The following RAB38 variants were observed in gnomAD, a reference collection of about 807,000 sequenced individuals.
RAB38 encodes ras-related protein Rab-38.
In RAB38, 15 loss-of-function variants were observed where a neutral mutation model predicts 18.4. The observed-to-expected ratio is 0.82, with a 90% CI of 0.55 to 1.26. The LOEUF is 1.26. Ranked by LOEUF, RAB38 falls within the 50% of genes most tolerant of loss-of-function variation. RAB38 has a pLI of 0.00. For synonymous variants in RAB38, 101 were observed against 104.4 expected (o/e 0.97, Z 0.20); for missense variants, 294 against 267.4 (o/e 1.10, Z -0.69).
the RAB38 span, among the ~76,000 whole-genome samples, chr11:87,837,654 G>A: frequency 6.7e-6 from 1 of 150,262 alleles, no homozygotes; most frequent in Non-Finnish European, 1.5e-5. Context: ...AATGAGTCAA[G>A]CATCATTTTG....
At chr11:88,056,102 G>C in the RAB38 span, among the ~76,000 whole-genome samples, 1 of 152,012 alleles carries the variant, frequency 6.6e-6, no homozygotes, top group Non-Finnish European at 1.5e-5. Context: ...TCTGGATTAT[G>C]ACTCCCTGTA....
chr11:88,028,337 G>T, the RAB38 span, among the ~76,000 whole-genome samples: 1 of 152,166 alleles, frequency 6.6e-6, no homozygotes, highest in Non-Finnish European at 1.5e-5. Flanking sequence ...CTCCTCCAAA[G>T]GAATGCAGTT....
chr11:87,804,762 C>A, the RAB38 span, among the ~76,000 whole-genome samples: 1 of 152,094 alleles, frequency 6.6e-6, no homozygotes, highest in Non-Finnish European at 1.5e-5. Flanking sequence ...TGAATTATTT[C>A]TATATAATCC....
chr11:87,971,211 C>A, the RAB38 span, among the ~76,000 whole-genome samples: 1 of 152,042 alleles, frequency 6.6e-6, no homozygotes, highest in African/African-American at 2.4e-5. Flanking sequence ...GGCCTCAGAG[C>A]TGAGTTACAG....
the RAB38 span, among the ~76,000 whole-genome samples, chr11:87,929,963 A>G: frequency 6.6e-6 from 1 of 152,044 alleles, no homozygotes; most frequent in Non-Finnish European, 1.5e-5. Context: ...CCAGTCTATC[A>G]TTGTTGGACA....
the RAB38 span, among the ~76,000 whole-genome samples, chr11:87,957,536 C>A: frequency 1.3e-5 from 2 of 152,114 alleles, no homozygotes; most frequent in Non-Finnish European, 2.9e-5. Context: ...AAAGTAGAAT[C>A]TAATAGTAAT....
the RAB38 span, among the ~76,000 whole-genome samples, chr11:87,890,003 ATTAT>A: frequency 1.8e-3 from 276 of 151,928 alleles, 1 homozygote; most frequent in African/African-American, 6.0e-3. Flanking sequence ...TATTGTATGT[ATTAT>A]TTATTTAATA....
the RAB38 span, among the ~76,000 whole-genome samples, chr11:87,961,899 T>A: frequency 1.3e-5 from 2 of 152,166 alleles, no homozygotes; most frequent in Non-Finnish European, 1.5e-5. Context: ...TACTAAAATA[T>A]GTGCAAAATG....
At chr11:87,958,230 G>A in the RAB38 span, among the ~76,000 whole-genome samples, 1 of 152,200 alleles carries the variant, frequency 6.6e-6, no homozygotes, top group Non-Finnish European at 1.5e-5. Context: ...GTAGGCCAAT[G>A]TAAATGCTGT....
the RAB38 span, among the ~76,000 whole-genome samples, chr11:88,030,518 T>G: frequency 1.6e-4 from 24 of 151,990 alleles, no homozygotes; most frequent in Non-Finnish European, 7.4e-5. Flanking sequence ...AAGAATCAAA[T>G]AGACGCAATA....
the RAB38 span, among the ~76,000 whole-genome samples, chr11:87,951,811 G>T: frequency 2.6e-5 from 4 of 151,950 alleles, no homozygotes; most frequent in Non-Finnish European, 5.9e-5. Flanking sequence ...GCCCCTACTG[G>T]GGGGGTGCCT....
At chr11:87,940,131 C>A in the RAB38 span, among the ~76,000 whole-genome samples, 4 of 134,604 alleles carry the variant, frequency 3.0e-5, no homozygotes, top group South Asian at 2.4e-4. Context: ...AAAAATGTAA[C>A]AGGAAAGAAA....
chr11:88,174,213 T>G, intron 1 of RAB38: 1 of 514,430 alleles, frequency 1.9e-6, no homozygotes, highest in African/African-American at 2.1e-5. Flanking sequence ...AGCAGGTTAG[T>G]TAGTGGCAGG....
At chr11:88,110,997 AAGAC>A (rs1182689214), downstream of RAB38, among the ~76,000 whole-genome samples, 1 of 152,048 alleles carries the variant, frequency 6.6e-6, no homozygotes, top group Non-Finnish European at 1.5e-5. Context: ...AAAAGAAAAA[AAGAC>A]AGAGACAGTA....
chr11:88,159,727 G>T (rs1943166221), intron 1 of RAB38, among the ~76,000 whole-genome samples: 1 of 152,052 alleles, frequency 6.6e-6, no homozygotes, highest in Admixed American at 6.5e-5. Context: ...GAACAGTAGG[G>T]AAAGGACACC....
the RAB38 span, among the ~76,000 whole-genome samples, chr11:88,011,075 A>T: frequency 6.6e-6 from 1 of 152,180 alleles, no homozygotes; most frequent in Non-Finnish European, 1.5e-5. Flanking sequence ...GTAGTCTGAG[A>T]GGCTATTCCA....
At chr11:87,902,077 T>G in the RAB38 span, among the ~76,000 whole-genome samples, 2 of 151,464 alleles carry the variant, frequency 1.3e-5, no homozygotes, top group African/African-American at 4.8e-5. Flanking sequence ...GTCTTACTTT[T>G]GGGAGAAGAA....
At chr11:87,843,792 G>T in the RAB38 span, among the ~76,000 whole-genome samples, 1 of 152,116 alleles carries the variant, frequency 6.6e-6, no homozygotes, top group Non-Finnish European at 1.5e-5. Context: ...CTAAGCAAGG[G>T]TTCTAAGTCA....
the RAB38 span, among the ~76,000 whole-genome samples, chr11:87,871,932 C>T: frequency 6.6e-6 from 1 of 151,506 alleles, no homozygotes. Context: ...CCACCGTTGA[C>T]TATTACAAAT....
Sources: gnomAD v4.1 joint callset for allele counts (sites outside exome capture counted in the v4.1 genomes callset) on GRCh38, gnomAD v4.1.1 for gene constraint, MANE v1.5 for transcripts, NCBI Gene and HGNC (gene_info 2026-07-23, HGNC 2026-07-21) for gene names.